SEMA4D: variants seen among roughly 807,000 people sequenced by gnomAD.
SEMA4D encodes the protein semaphorin-4D.
SEMA4D carries 22 observed loss-of-function variants against 74.8 expected under a neutral mutation model. The ratio of observed to expected loss-of-function variants is 0.29; its 90% confidence interval spans 0.21 to 0.42. The LOEUF is 0.42. Among genes scored for constraint, SEMA4D ranks in the 10% least tolerant of loss-of-function variants. The probability of loss-of-function intolerance (pLI) is 1.00; values close to 1 mark genes in which losing one functional copy is unlikely to be tolerated. For synonymous variants in SEMA4D, 445 were observed against 463.7 expected (o/e 0.96, Z 0.52); for missense variants, 937 against 1,118.4 (o/e 0.84, Z 2.31).
At chr9:89,442,621 A>C (rs1851917250) in intron 2 of SEMA4D, among the ~76,000 whole-genome samples, 1 of 152,116 alleles carries the variant, frequency 6.6e-6, no homozygotes, top group Admixed American at 6.5e-5. Flanking sequence ...AAAATGGAAA[A>C]GACAATGAGT....
intron 1 of SEMA4D, among the ~76,000 whole-genome samples, chr9:89,488,234 C>T (rs11265917): frequency 0.89 from 135,256 of 152,216 alleles, 60,357 homozygotes; most frequent in Non-Finnish European, 0.93. Flanking sequence ...AAGAGGCTTG[C>T]TGTTGTTGTT....
rs1200861577 is a variant in SEMA4D, at chr9:89,381,998, G to A, written c.1447-652C>T. Among the ~76,000 whole-genome samples, 2 of 152,222 alleles carry A rather than the reference G, an allele frequency of 1.3e-5. No individual in the cohort carries two copies. Among genetic ancestry groups the A allele is most frequent in the East Asian group, 3.8e-4 (2 of 5,204 alleles). ...GTAAAAGGGAAGAGCTCACAGACGGGAAGTCAACCTCCGAGCTCCAGAGCA... is the reference window on the plus strand; with the variant it reads ...GTAAAAGGGAAGAGCTCACAGACGGAAAGTCAACCTCCGAGCTCCAGAGCA... On this transcript the variant is annotated intron_variant, in intron 13 of 15. Transcript: ENST00000422704. This position sits in a 1 kb window ranked among gnomAD's most constrained non-coding sequence, Gnocchi z 4.6.
chr9:89,393,712 A>G (rs961344760), intron 6 of SEMA4D, 57 bp from the exon 7 acceptor site: 11 of 1,310,154 alleles, frequency 8.4e-6, no homozygotes, highest in Non-Finnish European at 1.1e-5. Flanking sequence ...TATAGTAACA[A>G]TGTGTCTCTG....
intron 5 of SEMA4D, among the ~76,000 whole-genome samples, chr9:89,398,101 C>T (rs535643109): frequency 1.3e-5 from 2 of 152,278 alleles, no homozygotes; most frequent in South Asian, 2.1e-4. Context: ...GCCTAAAACC[C>T]GCAGCCCAGA....
At chr9:89,491,826 C>T (rs533795016) in intron 1 of SEMA4D, among the ~76,000 whole-genome samples, 4 of 152,310 alleles carry the variant, frequency 2.6e-5, no homozygotes, top group South Asian at 4.1e-4. Context: ...GGAAAATGCT[C>T]ACAGTCCACC....
intron 1 of SEMA4D, among the ~76,000 whole-genome samples, chr9:89,475,564 AAG>A (rs1210623629): frequency 6.6e-6 from 1 of 152,234 alleles, no homozygotes; most frequent in African/African-American, 2.4e-5. Context: ...ATGGAAAAGA[AAG>A]AGAAGAGCCA....
rs1836087511 is a variant in SEMA4D at position 89,377,890 on chromosome 9, G to GT, written c.*813dup. 1 of 147,678 alleles carries GT rather than the reference G, an allele frequency of 6.8e-6. No individual in the cohort carries two copies. Among genetic ancestry groups the GT allele is most frequent in the East Asian group, 2.0e-4 (1 of 5,070 alleles). The allele number at this position is 147,678 out of a possible 1,614,324, so 9.1% of individuals were successfully genotyped here. A position where few individuals can be genotyped will look rare whatever the true frequency, so the allele number is the denominator to read the frequency against. On this transcript the variant is annotated 3_prime_UTR_variant, in exon 16 of 16. Transcript: ENST00000422704. The stretch of plus-strand genomic sequence containing the variant: ...GGTCCTCTTCTTCGAGAGAGTAAAA[G>GT]TTAAAAAAAAAGAAAAGTAAAACGA...
At chr9:89,369,001 A>G (rs1834127491) in intron 16 of SEMA4D, 1 of 152,278 alleles carries the variant, frequency 6.6e-6, no homozygotes, top group African/African-American at 2.4e-5. Context: ...CCCAGATAAC[A>G]GAAGAGACAT....
At chr9:89,395,850 A>T (rs1179285638) in intron 6 of SEMA4D, among the ~76,000 whole-genome samples, 1 of 152,148 alleles carries the variant, frequency 6.6e-6, no homozygotes, top group Non-Finnish European at 1.5e-5. Context: ...AAATATTTTA[A>T]TTCCAATTAA....
chr9:89,477,244 G>T (rs1861978277), intron 1 of SEMA4D, among the ~76,000 whole-genome samples: 1 of 147,494 alleles, frequency 6.8e-6, no homozygotes, highest in South Asian at 2.1e-4. Flanking sequence ...TATGCACAAG[G>T]TACATGCACG....
intron 2 of SEMA4D, among the ~76,000 whole-genome samples, chr9:89,441,042 A>G (rs1219882326): frequency 4.6e-5 from 7 of 152,252 alleles, no homozygotes; most frequent in Admixed American, 4.6e-4. Flanking sequence ...GAGTCCTTCT[A>G]AGAACAACAA....
intron 1 of SEMA4D, among the ~76,000 whole-genome samples, 183 bp from the exon 2 acceptor site, chr9:89,456,136 A>G (rs1397545697): frequency 6.6e-6 from 1 of 152,238 alleles, no homozygotes; most frequent in Non-Finnish European, 1.5e-5. Context: ...GTGAGACCAG[A>G]GGAGGCATCA....
chr9:89,461,896 T>C (rs181825381), intron 1 of SEMA4D, among the ~76,000 whole-genome samples: 1 of 151,806 alleles, frequency 6.6e-6, no homozygotes, highest in African/African-American at 2.4e-5. Flanking sequence ...AGAGACAGGG[T>C]TTCACCATGT....
At chr9:89,383,816 A>C (rs1323392937) in intron 13 of SEMA4D, among the ~76,000 whole-genome samples, 1 of 152,196 alleles carries the variant, frequency 6.6e-6, no homozygotes. Context: ...ACCTGGCAGC[A>C]TGAGTGAGGC....
chr9:89,443,019 C>T (rs183701477), intron 2 of SEMA4D, among the ~76,000 whole-genome samples: 1 of 152,132 alleles, frequency 6.6e-6, no homozygotes, highest in South Asian at 2.1e-4. Flanking sequence ...AGCAGGAGGG[C>T]CCCCTGCACC....
At chr9:89,423,233 C>A (rs1847345593) in intron 2 of SEMA4D, among the ~76,000 whole-genome samples, 1 of 151,528 alleles carries the variant, frequency 6.6e-6, no homozygotes, top group Non-Finnish European at 1.5e-5. Context: ...CTCTTGTTGC[C>A]CAGGCTGGAG....
In SEMA4D at chr9:89,378,745, A is replaced by G; in HGVS notation, c.2548T>C (p.Cys850Arg). The G allele has an allele frequency of 1.2e-6, 2 of 1,614,138 alleles. No homozygotes were observed. Among genetic ancestry groups the G allele is most frequent in the South Asian group, 2.2e-5 (2 of 91,082 alleles). Reference protein sequence around the residue: ...SARDKPFDVKCELKFADSDAD... With the variant: ...SARDKPFDVKRELKFADSDAD... Reference sequence around the variant, plus strand: ...TCTGAGTCAGCGAACTTCAGCTCACACTTGACGTCAAAGGGCTTGTCCCTG... The same window carrying G: ...TCTGAGTCAGCGAACTTCAGCTCACGCTTGACGTCAAAGGGCTTGTCCCTG... Residue 850 changes from cysteine to arginine, a missense_variant, in exon 16 of 16, where the codon TGT becomes CGT. Cys to Arg is a radical substitution (Grantham distance 180). Transcript: ENST00000422704.
At chr9:89,404,599 C>T (rs1302776008) in intron 3 of SEMA4D, among the ~76,000 whole-genome samples, 1 of 149,836 alleles carries the variant, frequency 6.7e-6, no homozygotes, top group African/African-American at 2.4e-5. Flanking sequence ...CCATCCCGTC[C>T]CCAGCCACCC....
At chr9:89,480,020 A>G in intron 1 of SEMA4D, 2 of 152,052 alleles carry the variant, frequency 1.3e-5, no homozygotes, top group South Asian at 2.1e-4. Flanking sequence ...AGCTAGATAG[A>G]AAGGTTCTCC....
Sources: allele counts gnomAD v4.1 joint callset (sites outside exome capture counted in the v4.1 genomes callset), GRCh38; gene constraint gnomAD v4.1.1; non-coding constraint Gnocchi (gnomAD v3.1); transcripts MANE v1.5; gene names NCBI Gene and HGNC (gene_info 2026-07-23, HGNC 2026-07-21).